Variants in VWC2L observed in about 807,000 individuals in gnomAD.
VWC2L encodes the protein von Willebrand factor C domain containing 2 like, also known as von Willebrand factor C domain-containing protein 2-like.
VWC2L carries 10 observed loss-of-function variants against 21.6 expected under a neutral mutation model. That is an observed-to-expected ratio of 0.46 (90% CI 0.29 to 0.78). VWC2L has a LOEUF of 0.78. Among genes scored for constraint, VWC2L ranks in the 30% least tolerant of loss-of-function variants. The probability of loss-of-function intolerance (pLI) is 0.10; values close to 1 mark genes in which losing one functional copy is unlikely to be tolerated. For synonymous variants in VWC2L, 96 were observed against 94.3 expected (o/e 1.02, Z -0.10); for missense variants, 209 against 277.1 (o/e 0.75, Z 1.74).
chr2:214,556,664 C>T (rs1384531170), intron 3 of VWC2L, among the ~76,000 whole-genome samples: 1 of 152,170 alleles, frequency 6.6e-6, no homozygotes, highest in African/African-American at 2.4e-5. Flanking sequence ...TATGCACACG[C>T]TAATTCTGTT....
rs375492675 is a variant in VWC2L at position 214,414,215 on chromosome 2, G to A, written c.22G>A (p.Ala8Thr). The A allele has an allele frequency of 2.0e-5, 32 of 1,612,588 alleles. No homozygotes were observed. The African/African-American group carries it at 3.9e-4, about 20-fold the overall frequency. ...GGGGATGGCTCTTCATATTCATGAAGCTTGCATACTTCTGTTGGTCATCCC... is the reference window on the plus strand; with the variant it reads ...GGGGATGGCTCTTCATATTCATGAAACTTGCATACTTCTGTTGGTCATCCC... MALHIHE[A>T]CILLLVIPGL... The change falls in exon 2 of 4, where the codon GCT becomes ACT. Residue 8 changes from alanine to threonine, a missense_variant. By Grantham distance (58) the Ala-to-Thr change is moderately conservative. Transcript: ENST00000312504.
At chr2:214,494,539 A>G (rs1688786179) in intron 3 of VWC2L, among the ~76,000 whole-genome samples, 1 of 151,934 alleles carries the variant, frequency 6.6e-6, no homozygotes. Context: ...GCCTTCTTTA[A>G]CCTCTCATGT....
At chr2:214,519,600 G>A (rs1307154735) in intron 3 of VWC2L, among the ~76,000 whole-genome samples, 1 of 152,202 alleles carries the variant, frequency 6.6e-6, no homozygotes, top group Admixed American at 6.5e-5. Context: ...CCACAACAGT[G>A]TGATGGTTAA....
At chr2:214,480,209 C>A (rs529041279) in intron 3 of VWC2L, among the ~76,000 whole-genome samples, 1 of 152,106 alleles carries the variant, frequency 6.6e-6, no homozygotes, top group South Asian at 2.1e-4. Flanking sequence ...TACTAAAGGG[C>A]AAATGAATTT....
At chr2:214,511,919 TACACACAC>T (rs67983945) in intron 3 of VWC2L, among the ~76,000 whole-genome samples, 17 of 145,364 alleles carry the variant, frequency 1.2e-4, no homozygotes, top group East Asian at 4.0e-4. Flanking sequence ...TATATACATA[TACACACAC>T]ACACACACAC....
intron 3 of VWC2L, among the ~76,000 whole-genome samples, chr2:214,460,117 A>C (rs1002078753): frequency 1.3e-5 from 2 of 151,876 alleles, no homozygotes; most frequent in South Asian, 4.2e-4. Context: ...CGTGTTGGCC[A>C]GTTTCACTCC....
intron 3 of VWC2L, among the ~76,000 whole-genome samples, chr2:214,522,401 A>G (rs1047009505): frequency 1.4e-5 from 2 of 139,634 alleles, no homozygotes; most frequent in African/African-American, 2.6e-5. Flanking sequence ...AAAAAATTGC[A>G]TTTTTTTCCT....
At chr2:214,520,346 G>A (rs1440431821) in intron 3 of VWC2L, among the ~76,000 whole-genome samples, 1 of 151,864 alleles carries the variant, frequency 6.6e-6, no homozygotes, top group Non-Finnish European at 1.5e-5. Flanking sequence ...TTTGAAAATG[G>A]GACTTTAATG....
At chr2:214,486,566 G>T (rs1431374441) in intron 3 of VWC2L, among the ~76,000 whole-genome samples, 1 of 152,120 alleles carries the variant, frequency 6.6e-6, no homozygotes, top group African/African-American at 2.4e-5. Context: ...GTAAAAAATA[G>T]CCATTGATGA....
Position 214,414,486 on chromosome 2 carries a change from C to T in VWC2L, c.293C>T (p.Thr98Ile). The change falls in exon 2 of 4, where the codon ACT becomes ATT. Residue 98 changes from threonine to isoleucine, a missense_variant. Coordinates refer to ENST00000312504, the MANE Select transcript of VWC2L (RefSeq NM_001080500.4). ...TGCCCTAAAATTCACCCAAAGTGTA[C>T]TAAAGTGGAACACAATGGATGCTGT... is the stretch of plus-strand genomic sequence containing the variant. ...PECPKIHPKC[T>I]KVEHNGCCPE... The T allele has an allele frequency of 6.2e-7, 1 of 1,613,396 alleles. No homozygotes were observed.
At chr2:214,470,657 C>T (rs1331684227) in intron 3 of VWC2L, among the ~76,000 whole-genome samples, 3 of 151,862 alleles carry the variant, frequency 2.0e-5, no homozygotes, top group Non-Finnish European at 2.9e-5. Flanking sequence ...ACCTGTAATC[C>T]CAGCACTTTG....
chr2:214,555,115 A>G (rs748053264), intron 3 of VWC2L, among the ~76,000 whole-genome samples: 1 of 152,240 alleles, frequency 6.6e-6, no homozygotes, highest in Non-Finnish European at 1.5e-5. Context: ...CTTAACTACA[A>G]ACATTTCTTT....
intron 3 of VWC2L, among the ~76,000 whole-genome samples, chr2:214,533,036 A>T (rs1237200596): frequency 2.0e-5 from 3 of 151,922 alleles, no homozygotes; most frequent in African/African-American, 7.3e-5. Context: ...CTTCTTTTAT[A>T]GACTGAAACC....
At chr2:214,477,537 C>T (rs1688542502) in intron 3 of VWC2L, among the ~76,000 whole-genome samples, 1 of 152,346 alleles carries the variant, frequency 6.6e-6, no homozygotes. Flanking sequence ...ATCCCTGGAA[C>T]CTAACAAAAA....
intron 3 of VWC2L, among the ~76,000 whole-genome samples, chr2:214,454,423 T>A (rs1413187885): frequency 6.6e-6 from 1 of 151,828 alleles, no homozygotes; most frequent in African/African-American, 2.4e-5. Flanking sequence ...AGATGCTTGT[T>A]ATCAGTTTGA....
intron 3 of VWC2L, among the ~76,000 whole-genome samples, chr2:214,499,542 T>G (rs1028045617): frequency 6.7e-6 from 1 of 149,476 alleles, no homozygotes; most frequent in Non-Finnish European, 1.5e-5. Flanking sequence ...TTAGGAGATA[T>G]ACCTAATGTA....
chr2:214,461,823 G>A (rs1218232326), intron 3 of VWC2L, among the ~76,000 whole-genome samples: 1 of 152,190 alleles, frequency 6.6e-6, no homozygotes, highest in Non-Finnish European at 1.5e-5. Context: ...TGTGGAGAAA[G>A]CCCGCAACCA....
intron 3 of VWC2L, among the ~76,000 whole-genome samples, chr2:214,504,813 C>A (rs1688945094): frequency 6.6e-6 from 1 of 152,110 alleles, no homozygotes; most frequent in Non-Finnish European, 1.5e-5. Context: ...TCCCATTTTA[C>A]ACAGGAGGAA....
intron 3 of VWC2L, among the ~76,000 whole-genome samples, chr2:214,464,751 C>A (rs919080981): frequency 6.6e-6 from 1 of 152,144 alleles, no homozygotes; most frequent in East Asian, 1.9e-4. Flanking sequence ...TGGCCCAGAG[C>A]AGGTCCCAGA....
Sources: gnomAD v4.1 joint callset for allele counts (sites outside exome capture counted in the v4.1 genomes callset) on GRCh38, gnomAD v4.1.1 for gene constraint, MANE v1.5 for transcripts, NCBI Gene and HGNC (gene_info 2026-07-23, HGNC 2026-07-21) for gene names.